The following PCDHGA7 variants were observed in gnomAD, a reference collection of about 807,000 sequenced individuals.
PCDHGA7 encodes the protein protocadherin gamma-A7.
Under a neutral mutation model 58.3 loss-of-function variants are expected in PCDHGA7, and 44 were observed. That is an observed-to-expected ratio of 0.75 (90% CI 0.59 to 0.97). PCDHGA7 has a LOEUF of 0.97. Ranked by LOEUF, PCDHGA7 falls within the 50% of genes least tolerant of loss-of-function variation. The probability of loss-of-function intolerance (pLI) is 0.00; values close to 1 mark genes in which losing one functional copy is unlikely to be tolerated. For missense variants in PCDHGA7, 1,266 were observed against 1,188.7 expected, an observed-to-expected ratio of 1.06 and a Z score of -0.96; for synonymous variants, 516 against 504.2, an observed-to-expected ratio of 1.02 and a Z score of -0.31.
rs549047197 is a variant in PCDHGA7, at chr5:141,502,866, C to CTTTTTTTTTTTTTTT, written c.2484-2513_2484-2512insTTTTTTTTTTTTTTT. Reference sequence around the variant, plus strand: ...GAGCTGCCTAACCCTGACTCTCTGTCTTTTTTTTTTTTTTGACAGGGAGTC... The same window carrying CTTTTTTTTTTTTTTT: ...GAGCTGCCTAACCCTGACTCTCTGTCTTTTTTTTTTTTTTTTTTTTTTTTTTTTTGACAGGGAGTC... On this transcript the variant is annotated intron_variant, in intron 2 of 3. Coordinates refer to ENST00000518325, the MANE Select transcript of PCDHGA7 (RefSeq NM_018920.4). 1.1e-4 allele frequency among the ~76,000 whole-genome samples: 14 copies of CTTTTTTTTTTTTTTT among 128,026 alleles called. 3 individuals are homozygous for CTTTTTTTTTTTTTTT. Among genetic ancestry groups the CTTTTTTTTTTTTTTT allele is most frequent in the Admixed American group, 1.7e-4 (2 of 11,664 alleles). The allele number at this position is 128,026 out of a possible 152,430, so 84.0% of individuals were successfully genotyped here.
At chr5:141,422,640 C>T in intron 1 of PCDHGA7, 1 of 1,612,590 alleles carries the variant, frequency 6.2e-7, no homozygotes, top group South Asian at 1.1e-5. Flanking sequence ...GGGGTGCCTC[C>T]ATCTTCTCAG....
chr5:141,398,915 A>G, intron 1 of PCDHGA7: 1 of 1,614,002 alleles, frequency 6.2e-7, no homozygotes, highest in Non-Finnish European at 8.5e-7. Context: ...ACTGTGTTGC[A>G]AGTGTCAGCC....
At position 141,431,258 on chromosome 5, in the gene PCDHGA7, C is replaced by G. The variant is rs754250241; in HGVS notation, c.2424+45935C>G. 6.2e-6 allele frequency: 10 copies of G among 1,614,186 alleles called. No individual in the cohort carries two copies. The highest frequency in any genetic ancestry group is 1.6e-4 in the Middle Eastern group (1 of 6,062). ...GGATCCGGATATCGGGAAGAACTCT[C>G]TGCAGAGCTACGAGCTCAGCCCGAA... On this transcript the variant is annotated intron_variant, in intron 1 of 3. Transcript: ENST00000518325. This position sits in a 1 kb window ranked among gnomAD's most constrained non-coding sequence, Gnocchi z 4.8.
At chr5:141,399,393 CAG>C (rs1335804490) in intron 1 of PCDHGA7, 1 of 1,613,976 alleles carries the variant, frequency 6.2e-7, no homozygotes, top group Non-Finnish European at 8.5e-7. Flanking sequence ...CAGCCACAGA[CAG>C]GGGCAAGCCG....
chr5:141,437,651 CAT>C (rs1255783396), intron 1 of PCDHGA7, among the ~76,000 whole-genome samples: 2 of 151,990 alleles, frequency 1.3e-5, no homozygotes, highest in Non-Finnish European at 2.9e-5. Context: ...AAAGCAAACA[CAT>C]AGTTTCGAAG....
In PCDHGA7 at chr5:141,419,435, C is replaced by A. The variant is rs2096382649; in HGVS notation, c.2424+34112C>A. The A allele has an allele frequency of 2.5e-6, 4 of 1,613,108 alleles. No individual in the cohort carries two copies. In the African/African-American group the frequency reaches 4.0e-5, roughly 16 times the overall value. ...GCGCGCCTTCGACCACGAGCAGCTG[C>A]GCACCTTCGAGCTCACGCTGCAGGC... is the stretch of plus-strand genomic sequence containing the variant. On this transcript the variant is annotated intron_variant, in intron 1 of 3. Transcript: ENST00000518325.
chr5:141,405,587 G>T, intron 1 of PCDHGA7: 1 of 585,648 alleles, frequency 1.7e-6, no homozygotes, highest in Non-Finnish European at 3.0e-6. Flanking sequence ...TGGGACTACA[G>T]GCCTCCCAAG....
chr5:141,439,588 T>C (rs2098121813), intron 1 of PCDHGA7, among the ~76,000 whole-genome samples: 2 of 152,200 alleles, frequency 1.3e-5, no homozygotes, highest in South Asian at 4.1e-4. Flanking sequence ...AGTGCCACTG[T>C]TGGCCAGTCT....
intron 1 of PCDHGA7, among the ~76,000 whole-genome samples, chr5:141,433,766 G>A (rs2097649774): frequency 6.6e-6 from 1 of 151,888 alleles, no homozygotes; most frequent in South Asian, 2.1e-4. Flanking sequence ...TAACCTGGGA[G>A]GTGGAGGTTG....
chr5:141,423,880 G>C, intron 1 of PCDHGA7: 1 of 1,282,292 alleles, frequency 7.8e-7, no homozygotes, highest in Non-Finnish European at 9.9e-7. Context: ...TTTCAATCTT[G>C]GCATATTTTC....
chr5:141,428,658 T>C (rs932328483), intron 1 of PCDHGA7: 1 of 165,620 alleles, frequency 6.0e-6, no homozygotes, highest in Non-Finnish European at 1.3e-5. Context: ...TGAGTTCCAA[T>C]GAATGTCTTT....
intron 1 of PCDHGA7, among the ~76,000 whole-genome samples, chr5:141,484,774 C>T (rs1269490742): frequency 6.6e-6 from 1 of 151,782 alleles, no homozygotes; most frequent in Non-Finnish European, 1.5e-5. Context: ...ATGTTGTCTG[C>T]CTCCCCACAG....
At chr5:141,395,374 T>G (rs145897132) in intron 1 of PCDHGA7, 6 of 1,187,780 alleles carry the variant, frequency 5.1e-6, no homozygotes, top group Non-Finnish European at 6.9e-6. Flanking sequence ...ATTTTGGTGG[T>G]GTTACTATAA....
At chr5:141,462,415 C>G (rs998182982) in intron 1 of PCDHGA7, among the ~76,000 whole-genome samples, 2 of 152,092 alleles carry the variant, frequency 1.3e-5, no homozygotes, top group Non-Finnish European at 2.9e-5. Context: ...AGAATATGGT[C>G]TATCTTGGTG....
chr5:141,467,878 C>T (rs937986234), intron 1 of PCDHGA7, among the ~76,000 whole-genome samples: 8 of 151,998 alleles, frequency 5.3e-5, no homozygotes, highest in Non-Finnish European at 7.4e-5. Flanking sequence ...AGGCTGGTCT[C>T]AAACTCCTGA....
intron 1 of PCDHGA7, chr5:141,403,929 G>T: frequency 6.2e-7 from 1 of 1,613,854 alleles, no homozygotes; most frequent in Non-Finnish European, 8.5e-7. Flanking sequence ...GATGGTGGGG[G>T]ATTGAAAGGG....
intron 2 of PCDHGA7, among the ~76,000 whole-genome samples, chr5:141,495,107 AC>A (rs1422274779): frequency 1.3e-5 from 2 of 152,048 alleles, no homozygotes; most frequent in Non-Finnish European, 2.9e-5. Context: ...CACGACCGGC[AC>A]CTTTTCCTAT....
At chr5:141,464,279 C>CA (rs373828487) in intron 1 of PCDHGA7, among the ~76,000 whole-genome samples, 31,576 of 137,520 alleles carry the variant, frequency 0.23, 3,494 homozygotes, top group African/African-American at 0.28. Context: ...AAAAAAAAAG[C>CA]AAAAAAAAAA....
At chr5:141,404,614 C>T in intron 1 of PCDHGA7, 5 of 1,614,078 alleles carry the variant, frequency 3.1e-6, no homozygotes, top group Non-Finnish European at 4.2e-6. Context: ...TTGTTTTGGA[C>T]CAGAATGACA....
Sources: gnomAD v4.1 joint callset for allele counts (sites outside exome capture counted in the v4.1 genomes callset) on GRCh38, gnomAD v4.1.1 for gene constraint, Gnocchi (gnomAD v3.1) non-coding constraint, MANE v1.5 for transcripts, NCBI Gene and HGNC (gene_info 2026-07-23, HGNC 2026-07-21) for gene names.